Variants in ANP32A observed in about 807,000 individuals in gnomAD.
ANP32A encodes acidic leucine-rich nuclear phosphoprotein 32 family member A.
A neutral mutation model predicts 33.9 loss-of-function variants in ANP32A; 1 was observed. The ratio of observed to expected loss-of-function variants is 0.03; its 90% CI spans 0.01 to 0.14. ANP32A has a LOEUF of 0.14. Among genes scored for constraint, ANP32A ranks in the 10% least tolerant of loss-of-function variants. ANP32A has a pLI of 1.00. For missense variants in ANP32A, 155 were observed against 306.0 expected (o/e 0.51, Z 3.68); for synonymous variants, 115 against 120.5 (o/e 0.95, Z 0.30).
rs1893823940 is a variant in ANP32A, at chr15:68,778,684, T to A, written c.*1397A>T. The A allele has an allele frequency of 6.6e-6, 1 of 152,138 alleles. No individual in the cohort carries two copies. The highest frequency in any genetic ancestry group is 1.5e-5 in the Non-Finnish European group (1 of 67,982). 9.4% of individuals were successfully genotyped at this position (152,138 alleles called of 1,614,324 possible). A position where few individuals can be genotyped will look rare whatever the true frequency, so the allele number is the denominator to read the frequency against. On this transcript the variant is annotated 3_prime_UTR_variant, in exon 7 of 7. Transcript: ENST00000465139. The stretch of plus-strand genomic sequence containing the variant: ...TTTGGGTACTTGTTTTTTTAGTAAC[T>A]CTGTAACTTTTTTAAAGGAAGCTTT...
At chr15:68,811,618 T>C (rs1329793751) in intron 1 of ANP32A, among the ~76,000 whole-genome samples, 1 of 152,224 alleles carries the variant, frequency 6.6e-6, no homozygotes, top group East Asian at 1.9e-4. Context: ...ATGTCAGGAC[T>C]GTAGTGAATT....
intron 1 of ANP32A, among the ~76,000 whole-genome samples, chr15:68,808,857 C>T (rs1176712703): frequency 1.3e-5 from 2 of 152,196 alleles, no homozygotes; most frequent in Admixed American, 6.5e-5. Flanking sequence ...CTGCAGAGTT[C>T]CAGCACAACT....
chr15:68,787,324 G>C, intron 3 of ANP32A, 89 bp downstream of exon 3: 1 of 1,574,496 alleles, frequency 6.4e-7, no homozygotes, highest in South Asian at 1.1e-5. Context: ...AATTAAGTGG[G>C]AAAAGGACAA....
chr15:68,792,434 C>A (rs979576419), intron 1 of ANP32A, among the ~76,000 whole-genome samples: 35 of 152,140 alleles, frequency 2.3e-4, no homozygotes, highest in African/African-American at 8.5e-4. Flanking sequence ...TGAAGGTTCC[C>A]AAGATGTCAG....
At chr15:68,797,024 C>A (rs1033911610) in intron 1 of ANP32A, among the ~76,000 whole-genome samples, 1 of 152,082 alleles carries the variant, frequency 6.6e-6, no homozygotes, top group Non-Finnish European at 1.5e-5. Context: ...GGGGCAGTTA[C>A]CCTGGGTAAT....
chr15:68,782,814 C>A (rs1893886124), intron 5 of ANP32A, 142 bp downstream of exon 5: 2 of 1,403,280 alleles, frequency 1.4e-6, no homozygotes, highest in Non-Finnish European at 1.9e-6. Context: ...GTGAAAGGCT[C>A]TGAAATGGAC....
chr15:68,816,176 A>G (rs541406206), intron 1 of ANP32A, among the ~76,000 whole-genome samples: 1 of 152,332 alleles, frequency 6.6e-6, no homozygotes, highest in African/African-American at 2.4e-5. Context: ...AGCGTCTTCA[A>G]TAATAGAAAA....
chr15:68,803,428 G>T (rs1434070723), intron 1 of ANP32A, among the ~76,000 whole-genome samples: 2 of 152,192 alleles, frequency 1.3e-5, no homozygotes, highest in African/African-American at 4.8e-5. Context: ...TTTCTTAGAG[G>T]AGTCTGGAAT....
intron 1 of ANP32A, among the ~76,000 whole-genome samples, chr15:68,797,998 T>G (rs946596839): frequency 6.6e-5 from 10 of 152,212 alleles, no homozygotes; most frequent in African/African-American, 2.4e-4. Context: ...AACCCTTTAT[T>G]CACTTTCTGA....
chr15:68,794,907 CTT>C (rs1399323655), intron 1 of ANP32A, among the ~76,000 whole-genome samples: 1 of 152,210 alleles, frequency 6.6e-6, no homozygotes, highest in Non-Finnish European at 1.5e-5. Context: ...GAAAACAAAA[CTT>C]AACACTTGCA....
In ANP32A at chr15:68,787,805, T is replaced by C. The variant is rs752173392; in HGVS notation, c.169A>G (p.Ile57Val). ...TTGTTTAACTTTGGTAAGTTTGCGATTGAGGTGAGGCCTACGTTGATTGTA... is the reference window on the plus strand; with the variant it reads ...TTGTTTAACTTTGGTAAGTTTGCGACTGAGGTGAGGCCTACGTTGATTGTA... ...LSTINVGLTS[I>V]ANLPKLNKLK... Residue 57 changes from isoleucine (I) to valine (V), a missense_variant, in exon 2 of 7, where the codon ATC (isoleucine) becomes GTC (valine). Around this residue, in one of 4 missense-constraint regions of ANP32A, gnomAD observed 85 missense variants for 183.8 expected, o/e 0.46. Transcript: ENST00000465139. 3 of 1,614,120 alleles carry C rather than the reference T, an allele frequency of 1.9e-6. No individual in the cohort carries two copies. Among genetic ancestry groups the C allele is most frequent in the South Asian group, 1.1e-5 (1 of 91,082 alleles).
At chr15:68,818,227 C>T (rs1176635492) in intron 1 of ANP32A, 8 of 245,418 alleles carry the variant, frequency 3.3e-5, no homozygotes, top group Non-Finnish European at 8.6e-6. Context: ...GGGCGTGCGG[C>T]GCGAGCCCCG....
At position 68,793,519 on chromosome 15, in the gene ANP32A, G is replaced by C. The variant is rs116994738; in HGVS notation, c.55-5600C>G. Among the ~76,000 whole-genome samples the C allele has an allele frequency of 1.8e-4, 27 of 152,196 alleles. No individual in the cohort carries two copies. The East Asian group carries it at 5.0e-3, about 28-fold the overall frequency. On this transcript the variant is annotated intron_variant, in intron 1 of 6. Transcript: ENST00000465139. ...ACGGAAGAAACAGTAAGCCAAGGTC[G>C]GGGTCCTTGCCAGCAAGAGGTGTGG...
At chr15:68,794,278 T>C (rs1596067518) in intron 1 of ANP32A, among the ~76,000 whole-genome samples, 1 of 152,300 alleles carries the variant, frequency 6.6e-6, no homozygotes, top group Admixed American at 6.5e-5. Flanking sequence ...GGCTTCCTTA[T>C]AGTAAATACG....
rs576033583 is a variant in ANP32A, at chr15:68,813,853, C to T, written c.54+6845G>A. On this transcript the variant is annotated intron_variant, in intron 1 of 6. Coordinates refer to ENST00000465139, the MANE Select transcript of ANP32A (RefSeq NM_006305.4). ...CATGAGATGTCTAAAGAGTATCCTA[C>T]ACAATTTCCAGGAAGTTTTTTTTTT... 5.5e-5 allele frequency among the ~76,000 whole-genome samples: 8 copies of T among 146,134 alleles called. No individual in the cohort carries two copies. The South Asian group carries it at 1.3e-3, about 24-fold the overall frequency.
chr15:68,791,478 G>C, intron 1 of ANP32A: 1 of 152,810 alleles, frequency 6.5e-6, no homozygotes. Context: ...CACCAGCCAG[G>C]TGGGCACCAC....
chr15:68,801,458 GT>G (rs1481660970), intron 1 of ANP32A, among the ~76,000 whole-genome samples: 2 of 152,022 alleles, frequency 1.3e-5, no homozygotes, highest in Admixed American at 6.6e-5. Context: ...CTGAGATTCA[GT>G]TTCTTCACCT....
chr15:68,799,411 T>A (rs1043245635), intron 1 of ANP32A, among the ~76,000 whole-genome samples: 3 of 152,152 alleles, frequency 2.0e-5, no homozygotes, highest in Admixed American at 6.5e-5. Flanking sequence ...ACACTTGTTG[T>A]TTTTTAAAAA....
At chr15:68,810,420 G>A (rs551561756) in intron 1 of ANP32A, among the ~76,000 whole-genome samples, 1 of 152,260 alleles carries the variant, frequency 6.6e-6, no homozygotes, top group East Asian at 1.9e-4. Context: ...ATGAGTGTGT[G>A]TGTGTGGGCA....
Sources: allele counts gnomAD v4.1 joint callset (sites outside exome capture counted in the v4.1 genomes callset), GRCh38; gene constraint gnomAD v4.1.1; regional missense constraint gnomAD v4.1.1; transcripts MANE v1.5; gene names NCBI Gene and HGNC (gene_info 2026-07-23, HGNC 2026-07-21).